Variants in SND1 observed in about 807,000 individuals in gnomAD.
SND1 encodes the protein staphylococcal nuclease and tudor domain containing 1, also known as staphylococcal nuclease domain-containing protein 1.
Under a neutral mutation model 121.7 loss-of-function variants are expected in SND1, and 38 were observed. The observed-to-expected ratio is 0.31, with a 90% confidence interval of 0.24 to 0.41. SND1 has a LOEUF of 0.41. Among genes scored for constraint, SND1 ranks in the 10% least tolerant of loss-of-function variants. SND1 has a pLI of 1.00. For missense variants in SND1, 868 were observed against 1,184.6 expected (o/e 0.73, Z 3.92); for synonymous variants, 401 against 447.4 (o/e 0.90, Z 1.31).
At chr7:127,866,749 A>G (rs1045194269) in intron 12 of SND1, among the ~76,000 whole-genome samples, 5 of 152,084 alleles carry the variant, frequency 3.3e-5, no homozygotes, top group African/African-American at 9.7e-5. Context: ...AAGCCCCCCT[A>G]CTTAACTATA....
intron 15 of SND1, among the ~76,000 whole-genome samples, chr7:127,944,523 G>C (rs1296325476): frequency 6.6e-6 from 1 of 152,172 alleles, no homozygotes; most frequent in African/African-American, 2.4e-5. Context: ...TGCCTCTACT[G>C]TCATTCCCTC....
chr7:127,766,765 T>C (rs867735691), intron 10 of SND1, among the ~76,000 whole-genome samples: 206 of 45,232 alleles, frequency 4.6e-3, no homozygotes, highest in African/African-American at 0.012. Flanking sequence ...AAGCGAGACT[T>C]TGTCTCAAAA....
At chr7:128,066,179 AC>A (rs1793310751) in intron 16 of SND1, among the ~76,000 whole-genome samples, 1 of 151,696 alleles carries the variant, frequency 6.6e-6, no homozygotes, top group Non-Finnish European at 1.5e-5. Flanking sequence ...CTGCCCCCCT[AC>A]CCCTACCATC....
At chr7:127,903,118 G>C (rs1384114592) in intron 13 of SND1, among the ~76,000 whole-genome samples, 1 of 152,036 alleles carries the variant, frequency 6.6e-6, no homozygotes, top group East Asian at 1.9e-4. Flanking sequence ...TCCTGACCTT[G>C]TGATCTACCT....
At chr7:127,726,110 T>C (rs991174764) in intron 10 of SND1, among the ~76,000 whole-genome samples, 4 of 152,256 alleles carry the variant, frequency 2.6e-5, no homozygotes, top group Non-Finnish European at 4.4e-5. Flanking sequence ...GGTTACTTTC[T>C]AATTGGAGCC....
chr7:127,820,490 C>T (rs1187731259), intron 11 of SND1, among the ~76,000 whole-genome samples: 1 of 152,066 alleles, frequency 6.6e-6, no homozygotes, highest in African/African-American at 2.4e-5. Flanking sequence ...TGCTGTTCTT[C>T]GGTATTTCTG....
chr7:127,780,668 G>T lies in SND1; in HGVS notation c.1153-26816G>T, dbSNP rs137866728. ...CCCAGTGTTCTCTGTTTAGGGTTTT[G>T]CTCACTAATCATAATGACGCCATTG... On this transcript the variant is annotated intron_variant, in intron 10 of 23. Coordinates refer to ENST00000354725, the MANE Select transcript of SND1 (RefSeq NM_014390.4). Among the ~76,000 whole-genome samples the T allele has an allele frequency of 4.6e-5, 7 of 152,346 alleles. No homozygotes were observed. In the East Asian group the frequency reaches 1.3e-3, roughly 29 times the overall value.
At chr7:127,743,353 C>T (rs771663208) in intron 10 of SND1, among the ~76,000 whole-genome samples, 3 of 152,250 alleles carry the variant, frequency 2.0e-5, no homozygotes, top group Non-Finnish European at 2.9e-5. Context: ...CTTACCTAGA[C>T]ATTTTGTGAA....
At chr7:128,022,356 C>T (rs1452877633) in intron 16 of SND1, among the ~76,000 whole-genome samples, 3 of 152,138 alleles carry the variant, frequency 2.0e-5, no homozygotes, top group Non-Finnish European at 2.9e-5. Flanking sequence ...ACCTGAAAGC[C>T]TAAGTACTAT....
chr7:127,685,663 G>A (rs1795799500), intron 1 of SND1, among the ~76,000 whole-genome samples: 1 of 152,146 alleles, frequency 6.6e-6, no homozygotes, highest in Non-Finnish European at 1.5e-5. Flanking sequence ...TCTATGCCTG[G>A]CATCTTTGAT....
chr7:127,834,819 A>G (rs1020594375), intron 11 of SND1, among the ~76,000 whole-genome samples: 1 of 152,156 alleles, frequency 6.6e-6, no homozygotes. Flanking sequence ...TCAGCTCACC[A>G]TTCTAACTTT....
intron 11 of SND1, among the ~76,000 whole-genome samples, chr7:127,825,456 G>A (rs917305449): frequency 6.8e-6 from 1 of 147,742 alleles, no homozygotes; most frequent in African/African-American, 2.5e-5. Flanking sequence ...TGCCCAGGCT[G>A]AAGTGTAGTG....
intron 10 of SND1, among the ~76,000 whole-genome samples, chr7:127,765,054 A>T (rs933780961): frequency 1.3e-5 from 2 of 152,184 alleles, no homozygotes; most frequent in African/African-American, 2.4e-5. Context: ...TTGGGAGACT[A>T]AAGAGGAATT....
intron 16 of SND1, among the ~76,000 whole-genome samples, chr7:128,061,017 C>G (rs1793222436): frequency 1.3e-5 from 2 of 152,112 alleles, no homozygotes; most frequent in African/African-American, 4.8e-5. Context: ...GGAGGTGGAG[C>G]AGGGAGAATG....
chr7:127,773,903 G>A (rs1797565616), intron 10 of SND1, among the ~76,000 whole-genome samples: 1 of 152,210 alleles, frequency 6.6e-6, no homozygotes, highest in South Asian at 2.1e-4. Flanking sequence ...GCCTACTGAT[G>A]TAGCCTTTGT....
intron 10 of SND1, among the ~76,000 whole-genome samples, chr7:127,749,002 G>A (rs1181497738): frequency 6.6e-6 from 1 of 151,756 alleles, no homozygotes; most frequent in African/African-American, 2.4e-5. Context: ...TGTAGGAGGG[G>A]GATATGCAGA....
chr7:127,946,253 A>G (rs1051419102), intron 15 of SND1, among the ~76,000 whole-genome samples: 2 of 152,238 alleles, frequency 1.3e-5, no homozygotes, highest in Non-Finnish European at 2.9e-5. Flanking sequence ...ACATGTGATC[A>G]TAGAGCAAGA....
In SND1 at chr7:127,908,349, T is replaced by C. The variant is rs201167684; in HGVS notation, c.1527+3530T>C. Among the ~76,000 whole-genome samples, 6 of 134,216 alleles carry C rather than the reference T, an allele frequency of 4.5e-5. No homozygotes were observed. The South Asian group carries it at 1.1e-3, about 24-fold the overall frequency. 88.1% of individuals were successfully genotyped at this position (134,216 alleles called of 152,430 possible). On this transcript the variant is annotated intron_variant, in intron 14 of 23. Coordinates refer to ENST00000354725, the MANE Select transcript of SND1 (RefSeq NM_014390.4). ...GTGTGTGTGTGTGTGTGTGTGTGTG[T>C]GTGTGTGTGTGCGTGCGTGTTGACC...
At chr7:127,866,706 G>A (rs1799485496) in intron 12 of SND1, among the ~76,000 whole-genome samples, 1 of 151,990 alleles carries the variant, frequency 6.6e-6, no homozygotes, top group Non-Finnish European at 1.5e-5. Context: ...TCACTACCAT[G>A]GCTATTTTAG....
Sources: allele counts gnomAD v4.1 joint callset (sites outside exome capture counted in the v4.1 genomes callset), GRCh38; gene constraint gnomAD v4.1.1; transcripts MANE v1.5; gene names NCBI Gene and HGNC (gene_info 2026-07-23, HGNC 2026-07-21).